CTNND2: variants seen among roughly 807,000 people sequenced by gnomAD.
The protein encoded by CTNND2 is catenin delta-2.
A neutral mutation model predicts 144.4 loss-of-function variants in CTNND2; 22 were observed. That is an observed-to-expected ratio of 0.15 (90% CI 0.11 to 0.22). The LOEUF (loss-of-function observed/expected upper bound fraction) is 0.22. CTNND2 is among the 10% of genes least tolerant of loss of function. CTNND2 has a pLI of 1.00. For missense variants in CTNND2, 1,353 were observed against 1,618.8 expected, an observed-to-expected ratio of 0.84 and a Z score of 2.82; for synonymous variants, 751 against 695.6, an observed-to-expected ratio of 1.08 and a Z score of -1.25.
intron 3 of CTNND2, among the ~76,000 whole-genome samples, chr5:11,546,318 A>C (rs1389619406): frequency 1.3e-5 from 2 of 152,104 alleles, no homozygotes; most frequent in East Asian, 3.8e-4. Context: ...GCCCTGCAGC[A>C]GTTCTTTTAA....
At chr5:11,673,105 A>C (rs1224542084) in intron 2 of CTNND2, among the ~76,000 whole-genome samples, 2 of 152,174 alleles carry the variant, frequency 1.3e-5, no homozygotes, top group African/African-American at 4.8e-5. Flanking sequence ...CTCATTTTCC[A>C]GTTTATCACT....
At chr5:11,771,191 G>GATTT (rs1561782425) in intron 1 of CTNND2, among the ~76,000 whole-genome samples, 1 of 18,004 alleles carries the variant, frequency 5.6e-5, no homozygotes, top group Non-Finnish European at 1.4e-4. Flanking sequence ...CACATTGTTA[G>GATTT]CTTTTTTTTT....
At chr5:11,616,603 CTCCT>C (rs1332514880) in intron 2 of CTNND2, among the ~76,000 whole-genome samples, 3 of 148,322 alleles carry the variant, frequency 2.0e-5, no homozygotes, top group South Asian at 2.1e-4. Flanking sequence ...TCCTTCCTTC[CTCCT>C]TCCTTCCTTC....
intron 1 of CTNND2, among the ~76,000 whole-genome samples, chr5:11,772,763 G>C (rs1790022923): frequency 6.6e-6 from 1 of 152,154 alleles, no homozygotes. Context: ...CCACGGTGGG[G>C]GAGTCCGGAA....
intron 2 of CTNND2, among the ~76,000 whole-genome samples, chr5:11,673,528 T>C (rs1340124607): frequency 6.6e-6 from 1 of 152,212 alleles, no homozygotes; most frequent in Non-Finnish European, 1.5e-5. Context: ...TGAGTTAAAA[T>C]TAATTTGTGA....
intron 9 of CTNND2, among the ~76,000 whole-genome samples, chr5:11,318,719 C>T (rs1254673230): frequency 6.6e-6 from 1 of 152,096 alleles, no homozygotes; most frequent in Non-Finnish European, 1.5e-5. Context: ...TAAGATCCTT[C>T]CTTACAACGA....
intron 1 of CTNND2, among the ~76,000 whole-genome samples, chr5:11,771,647 T>G (rs1789949124): frequency 2.0e-5 from 3 of 152,218 alleles, no homozygotes; most frequent in Admixed American, 6.5e-5. Flanking sequence ...CTGACCCCCG[T>G]CTATTTACAT....
intron 2 of CTNND2, among the ~76,000 whole-genome samples, chr5:11,585,853 A>G (rs1371882989): frequency 2.0e-5 from 3 of 152,082 alleles, no homozygotes; most frequent in Non-Finnish European, 4.4e-5. Context: ...GGTGAGGAGA[A>G]AGGAGGGGCT....
At chr5:11,619,607 A>C (rs1362348134) in intron 2 of CTNND2, among the ~76,000 whole-genome samples, 1 of 152,176 alleles carries the variant, frequency 6.6e-6, no homozygotes, top group Non-Finnish European at 1.5e-5. Flanking sequence ...GGTTGTAATA[A>C]ATATATTTTA....
intron 5 of CTNND2, among the ~76,000 whole-genome samples, chr5:11,405,113 T>C (rs1352199579): frequency 3.9e-5 from 6 of 152,154 alleles, no homozygotes; most frequent in Non-Finnish European, 7.4e-5. Context: ...TTTCATCTAA[T>C]CTTCATATTT....
intron 2 of CTNND2, among the ~76,000 whole-genome samples, chr5:11,653,396 T>C (rs528499427): frequency 6.6e-6 from 1 of 152,246 alleles, no homozygotes; most frequent in East Asian, 1.9e-4. Flanking sequence ...CAGTAACACT[T>C]GTTATCATTT....
At chr5:11,812,220 A>G (rs985719353) in intron 1 of CTNND2, among the ~76,000 whole-genome samples, 9 of 152,224 alleles carry the variant, frequency 5.9e-5, no homozygotes, top group Admixed American at 2.6e-4. Context: ...GACAGTGAAT[A>G]GCAATCGCTG....
chr5:11,316,995 A>T (rs1421257486), intron 9 of CTNND2, among the ~76,000 whole-genome samples: 1 of 152,172 alleles, frequency 6.6e-6, no homozygotes, highest in Non-Finnish European at 1.5e-5. Flanking sequence ...AACCCCATCA[A>T]AAAGTGGGCC....
intron 2 of CTNND2, chr5:11,588,774 T>C: frequency 1.0e-6 from 1 of 985,314 alleles, no homozygotes; most frequent in Non-Finnish European, 1.2e-6. Flanking sequence ...CTTAAATACT[T>C]GAAAACTGTA....
chr5:11,528,092 T>A (rs934041869), intron 3 of CTNND2, among the ~76,000 whole-genome samples: 1 of 152,182 alleles, frequency 6.6e-6, no homozygotes, highest in Non-Finnish European at 1.5e-5. Flanking sequence ...GGGGGACTTA[T>A]CAATCAATGT....
chr5:10,997,188 C>T (rs576856038), intron 18 of CTNND2, among the ~76,000 whole-genome samples: 124 of 152,138 alleles, frequency 8.2e-4, no homozygotes, highest in African/African-American at 2.3e-3. Flanking sequence ...TGAAATCCTC[C>T]GGAGGGTGGA....
intron 3 of CTNND2, among the ~76,000 whole-genome samples, chr5:11,478,985 G>A (rs553521021): frequency 6.6e-6 from 1 of 152,036 alleles, no homozygotes; most frequent in African/African-American, 2.4e-5. Context: ...ACACCAGAGA[G>A]GAAAACATAA....
At chr5:11,557,379 A>G (rs1014311528) in intron 3 of CTNND2, among the ~76,000 whole-genome samples, 8 of 152,086 alleles carry the variant, frequency 5.3e-5, no homozygotes, top group Admixed American at 5.2e-4. Context: ...TCCCCTTTCA[A>G]GTTCATGCAA....
At chr5:11,302,570 T>G (rs531339619) in intron 9 of CTNND2, among the ~76,000 whole-genome samples, 2 of 152,230 alleles carry the variant, frequency 1.3e-5, no homozygotes, top group African/African-American at 4.8e-5. Flanking sequence ...CACCTCAGTT[T>G]AGGTGTGGTT....
Sources: gnomAD v4.1 joint callset for allele counts (sites outside exome capture counted in the v4.1 genomes callset) on GRCh38, gnomAD v4.1.1 for gene constraint, MANE v1.5 for transcripts, NCBI Gene and HGNC (gene_info 2026-07-23, HGNC 2026-07-21) for gene names.